The following THAP4 variants were observed in gnomAD, a reference collection of about 807,000 sequenced individuals.
The protein encoded by THAP4 is peroxynitrite isomerase THAP4.
THAP4 carries 18 observed loss-of-function variants against 48.1 expected under a neutral mutation model. The observed-to-expected ratio is 0.37, with a 90% CI of 0.26 to 0.56. The LOEUF is 0.56. THAP4 is among the 20% of genes least tolerant of loss of function. The probability of loss-of-function intolerance (pLI) is 0.78; values close to 1 mark genes in which losing one functional copy is unlikely to be tolerated. For synonymous variants in THAP4, 345 were observed against 324.9 expected, an observed-to-expected ratio of 1.06 and a Z score of -0.66; for missense variants, 656 against 774.9, an observed-to-expected ratio of 0.85 and a Z score of 1.82.
Position 241,633,898 on chromosome 2 carries a change from G to T in THAP4, c.259C>A (p.Leu87Met). 6.2e-7 allele frequency: 1 copy of T among 1,614,100 alleles called. No homozygotes were observed. The highest frequency in any genetic ancestry group is 8.5e-7 in the Non-Finnish European group (1 of 1,180,008). ...KPTAVPSIFH[L>M]TEKKRGAGGH... Reference sequence around the variant, plus strand: ...CCAGCCCCCCTCTTCTTCTCGGTCAGGTGGAAGATGGATGGCACGGCCGTG... The same window carrying T: ...CCAGCCCCCCTCTTCTTCTCGGTCATGTGGAAGATGGATGGCACGGCCGTG... Residue 87 changes from leucine (L) to methionine (M), a missense_variant, in exon 2 of 6, where the codon CTG becomes ATG. This residue lies in a region of THAP4 where 391 missense variants were observed against 412.4 expected (regional missense o/e 0.95). Coordinates refer to ENST00000407315, the MANE Select transcript of THAP4 (RefSeq NM_015963.6). The surrounding 1 kb of genome is among the most constrained non-coding windows in gnomAD (Gnocchi z 7.5).
intron 5 of THAP4, 33 bp from the exon 6 acceptor site, chr2:241,584,758 T>A: frequency 6.2e-7 from 1 of 1,613,780 alleles, no homozygotes; most frequent in Non-Finnish European, 8.5e-7. Context: ...GATAGCTTAG[T>A]TTTATCTTCA....
intron 5 of THAP4, among the ~76,000 whole-genome samples, chr2:241,595,291 AG>A (rs2067033863): frequency 6.6e-6 from 1 of 152,178 alleles, no homozygotes; most frequent in South Asian, 2.1e-4. Flanking sequence ...CTGGGATTAC[AG>A]GCGTGAGCCA....
chr2:241,629,025 A>G (rs982714550), intron 2 of THAP4, among the ~76,000 whole-genome samples: 3 of 152,020 alleles, frequency 2.0e-5, no homozygotes, highest in African/African-American at 4.8e-5. Flanking sequence ...AGTAAAATGT[A>G]TACTTCAATC....
chr2:241,617,972 T>C (rs2067369197), intron 2 of THAP4, among the ~76,000 whole-genome samples: 1 of 152,182 alleles, frequency 6.6e-6, no homozygotes, highest in Non-Finnish European at 1.5e-5. Context: ...GACGGCTCCT[T>C]CCTGGAGCTC....
rs1431504462 is a variant in THAP4, at chr2:241,604,225, C to T, written c.1401-1146G>A. ...AGTAGCTGGGATTACAGGCGCCCAC[C>T]ACACCCGGCTAATTTATTTATTTAT... is the stretch of plus-strand genomic sequence containing the variant. On this transcript the variant is annotated intron_variant, in intron 3 of 5. Transcript: ENST00000407315. Among the ~76,000 whole-genome samples, 6 of 152,052 alleles carry T rather than the reference C, an allele frequency of 3.9e-5. No homozygotes were observed. In the South Asian group the frequency reaches 1.2e-3, roughly 32 times the overall value.
chr2:241,630,721 G>A (rs2067546332), intron 2 of THAP4, among the ~76,000 whole-genome samples: 1 of 151,284 alleles, frequency 6.6e-6, no homozygotes, highest in South Asian at 2.1e-4. Flanking sequence ...GGAGGTTGCG[G>A]TGAGCCAAGA....
chr2:241,637,310 C>T (rs2067691432), upstream of THAP4: 1 of 1,179,266 alleles, frequency 8.5e-7, no homozygotes, highest in Non-Finnish European at 1.1e-6. Context: ...GGGGAGTCGC[C>T]CCGGCGGGGC....
At chr2:241,632,894 G>A (rs2067583468) in intron 2 of THAP4, 23 bp downstream of exon 2, 7 of 1,542,442 alleles carry the variant, frequency 4.5e-6, no homozygotes, top group Admixed American at 2.0e-5. Context: ...GGGAACATGG[G>A]TACGCGAGGC....
intron 4 of THAP4, 186 bp from the exon 5 acceptor site, chr2:241,602,185 A>C: frequency 1.6e-6 from 1 of 624,708 alleles, no homozygotes; most frequent in Non-Finnish European, 2.8e-6. Flanking sequence ...AACTCTCCTC[A>C]CAGAACAGGC....
intron 5 of THAP4, among the ~76,000 whole-genome samples, chr2:241,593,434 C>A (rs1187538945): frequency 6.6e-6 from 1 of 152,178 alleles, no homozygotes; most frequent in East Asian, 1.9e-4. Context: ...CAGCATGAAT[C>A]CGCAGGAGAA....
intron 1 of THAP4, among the ~76,000 whole-genome samples, chr2:241,636,526 C>A (rs1167323502): frequency 2.0e-5 from 3 of 152,248 alleles, no homozygotes; most frequent in African/African-American, 7.2e-5. Flanking sequence ...GGAAAGCCCT[C>A]TCGGGGGCTG....
chr2:241,585,641 C>T lies in THAP4; in HGVS notation c.1615-916G>A, dbSNP rs144403942. 9.0e-3 allele frequency among the ~76,000 whole-genome samples: 1,367 copies of T among 152,010 alleles called. 47 individuals are homozygous for T. Among genetic ancestry groups the T allele is most frequent in the Admixed American group, 0.061 (936 of 15,272 alleles). ...TTTGCTGCCCGGAAGTCAAGGGGTT[C>T]AAGGGGTGGAGGCTGAGAGGGATGT... On this transcript the variant is annotated intron_variant, in intron 5 of 5. Transcript: ENST00000407315.
At chr2:241,593,389 C>T (rs544827311) in intron 5 of THAP4, among the ~76,000 whole-genome samples, 1 of 152,354 alleles carries the variant, frequency 6.6e-6, no homozygotes, top group South Asian at 2.1e-4. Context: ...CTGCAACAGC[C>T]CCCGACTGGA....
chr2:241,593,105 AGTG>A (rs2067006115), intron 5 of THAP4, among the ~76,000 whole-genome samples: 1 of 151,782 alleles, frequency 6.6e-6, no homozygotes, highest in Non-Finnish European at 1.5e-5. Flanking sequence ...ATTAGCGGGG[AGTG>A]GTGGTAAACG....
At chr2:241,598,146 G>GA (rs2067071785) in intron 5 of THAP4, among the ~76,000 whole-genome samples, 1 of 152,144 alleles carries the variant, frequency 6.6e-6, no homozygotes, top group Non-Finnish European at 1.5e-5. Context: ...AAAATCTCAT[G>GA]AAACGGACAC....
intron 5 of THAP4, among the ~76,000 whole-genome samples, chr2:241,591,403 C>T (rs916079916): frequency 6.6e-6 from 1 of 152,188 alleles, no homozygotes; most frequent in Non-Finnish European, 1.5e-5. Context: ...ATATGCTTGT[C>T]CAAATGTATC....
intron 5 of THAP4, among the ~76,000 whole-genome samples, chr2:241,585,814 G>A (rs948708775): frequency 1.3e-5 from 2 of 149,952 alleles, no homozygotes; most frequent in African/African-American, 2.5e-5. Flanking sequence ...TCGGGAAGTT[G>A]AGGCAGCAGA....
At position 241,616,435 on chromosome 2, in the gene THAP4, T is replaced by C. The variant is rs1415235243; in HGVS notation, c.1241-9962A>G. 6.6e-6 allele frequency among the ~76,000 whole-genome samples: 1 copy of C among 152,124 alleles called. No individual in the cohort carries two copies. Among genetic ancestry groups the C allele is most frequent in the Non-Finnish European group, 1.5e-5 (1 of 68,020 alleles). On this transcript the variant is annotated intron_variant, in intron 2 of 5. Coordinates refer to ENST00000407315, the MANE Select transcript of THAP4 (RefSeq NM_015963.6). The surrounding 1 kb of genome is among the most constrained non-coding windows in gnomAD (Gnocchi z 4.6). ...CAGTGGCACCTGAGCAGGGGGATGG[T>C]GTCCTGGTAAGAACAGGTAGGGAGA...
chr2:241,634,261 G>C (rs2067609302), intron 1 of THAP4, among the ~76,000 whole-genome samples, 182 bp from the exon 2 acceptor site: 1 of 152,208 alleles, frequency 6.6e-6, no homozygotes, highest in Admixed American at 6.5e-5. Context: ...TACTGGAGTA[G>C]AAATCTGAAA....
Sources: gnomAD v4.1 joint callset for allele counts (sites outside exome capture counted in the v4.1 genomes callset) on GRCh38, gnomAD v4.1.1 for gene constraint, gnomAD v4.1.1 regional missense constraint, Gnocchi (gnomAD v3.1) non-coding constraint, MANE v1.5 for transcripts, NCBI Gene and HGNC (gene_info 2026-07-23, HGNC 2026-07-21) for gene names.